The following PAXBP1 variants were observed in gnomAD, a reference collection of about 807,000 sequenced individuals.
The protein encoded by PAXBP1 is PAX3 and PAX7 binding protein 1, also known as PAX3- and PAX7-binding protein 1.
Under a neutral mutation model 119.9 loss-of-function variants are expected in PAXBP1, and 44 were observed. The observed-to-expected ratio is 0.37, with a 90% CI of 0.29 to 0.47. The LOEUF (loss-of-function observed/expected upper bound fraction) is 0.47, where lower values mean the gene tolerates loss of function less well. Among genes scored for constraint, PAXBP1 ranks in the 20% least tolerant of loss-of-function variants. The pLI is 0.99. For missense variants in PAXBP1, 898 were observed against 1,134.1 expected, an observed-to-expected ratio of 0.79 and a Z score of 2.99; for synonymous variants, 393 against 406.6, an observed-to-expected ratio of 0.97 and a Z score of 0.40.
At chr21:32,758,608 A>T (rs2044081725) in intron 7 of PAXBP1, among the ~76,000 whole-genome samples, 2 of 151,366 alleles carry the variant, frequency 1.3e-5, no homozygotes, top group African/African-American at 4.8e-5. Context: ...TACTTAGATA[A>T]AAACTATTAG....
At chr21:32,755,488 C>G (rs1014327553) in intron 7 of PAXBP1, 135 bp from the exon 8 acceptor site, 5 of 1,127,694 alleles carry the variant, frequency 4.4e-6, no homozygotes, top group African/African-American at 3.2e-5. Flanking sequence ...CAACAGCACA[C>G]AAGTAGCAAA....
chr21:32,746,493 A>G (rs142872964), intron 11 of PAXBP1, among the ~76,000 whole-genome samples: 1,787 of 152,312 alleles, frequency 0.012, 36 homozygotes, highest in African/African-American at 0.04. Flanking sequence ...GCCAACAAAC[A>G]TGAAAAAAAG....
intron 4 of PAXBP1, among the ~76,000 whole-genome samples, chr21:32,761,740 C>T (rs565788157): frequency 6.6e-6 from 1 of 150,672 alleles, no homozygotes; most frequent in Non-Finnish European, 1.5e-5. Context: ...GCCTGTAATC[C>T]CAGCACTTTG....
intron 7 of PAXBP1, chr21:32,756,109 A>G (rs1256091813): frequency 4.3e-6 from 1 of 230,034 alleles, no homozygotes; most frequent in Non-Finnish European, 8.8e-6. Context: ...CCAGGTTAAT[A>G]TCCCTAAAGC....
chr21:32,746,515 C>T (rs1030732127), intron 11 of PAXBP1, among the ~76,000 whole-genome samples: 1 of 152,050 alleles, frequency 6.6e-6, no homozygotes, highest in East Asian at 1.9e-4. Flanking sequence ...TCAACATCAC[C>T]GATGATTGGA....
intron 17 of PAXBP1, among the ~76,000 whole-genome samples, chr21:32,736,856 A>G (rs574662014): frequency 1.3e-5 from 2 of 152,332 alleles, no homozygotes; most frequent in Admixed American, 6.5e-5. Flanking sequence ...CCAAAAAGCC[A>G]TGAGTGATAA....
chr21:32,758,826 A>G (rs942868838), intron 7 of PAXBP1, among the ~76,000 whole-genome samples: 6 of 152,156 alleles, frequency 3.9e-5, no homozygotes, highest in Non-Finnish European at 2.9e-5. Flanking sequence ...CCATATTGAA[A>G]TAAGACTTTC....
At chr21:32,735,208 G>C (rs901531972) in intron 17 of PAXBP1, 141 bp from the exon 18 acceptor site, 1 of 612,754 alleles carries the variant, frequency 1.6e-6, no homozygotes, top group Non-Finnish European at 2.8e-6. Context: ...AGATATGCAA[G>C]CTACAGCATG....
In PAXBP1 at chr21:32,762,169, A is replaced by G. The variant is rs765565685; in HGVS notation, c.798T>C (p.Asp266=). 22 of 1,614,190 alleles carry G rather than the reference A, an allele frequency of 1.4e-5. No individual in the cohort carries two copies. The highest frequency in any genetic ancestry group is 1.9e-5 in the Non-Finnish European group (22 of 1,180,040). Residue 266 remains aspartate (D), a synonymous_variant, in exon 4 of 18, where the codon GAT becomes GAC. Coordinates refer to ENST00000331923, the MANE Select transcript of PAXBP1 (RefSeq NM_016631.4). The part of the protein sequence containing the change: ...EDENDASDDE[D]DDEKRRIVFS... Reference sequence around the variant, plus strand: ...AAACTATCCGGCGTTTCTCATCGTCATCTTCATCATCACTGGCATCATTCT... The same window carrying G: ...AAACTATCCGGCGTTTCTCATCGTCGTCTTCATCATCACTGGCATCATTCT...
chr21:32,765,079 A>G (rs2044218484), intron 2 of PAXBP1, among the ~76,000 whole-genome samples: 1 of 152,174 alleles, frequency 6.6e-6, no homozygotes, highest in Non-Finnish European at 1.5e-5. Context: ...CAGCAGTCAC[A>G]TTTACACTGT....
At chr21:32,754,502 A>C (rs2044011842) in intron 8 of PAXBP1, among the ~76,000 whole-genome samples, 1 of 152,184 alleles carries the variant, frequency 6.6e-6, no homozygotes, top group Non-Finnish European at 1.5e-5. Flanking sequence ...AAGGAACTAA[A>C]CGGTTTAAAA....
chr21:32,761,967 A>G, intron 4 of PAXBP1, 129 bp downstream of exon 4: 1 of 929,254 alleles, frequency 1.1e-6, no homozygotes, highest in Non-Finnish European at 1.6e-6. Flanking sequence ...TGAGTCCACG[A>G]GTCAAGACAC....
At chr21:32,765,282 C>A (rs1197022359) in intron 2 of PAXBP1, among the ~76,000 whole-genome samples, 1 of 152,212 alleles carries the variant, frequency 6.6e-6, no homozygotes, top group African/African-American at 2.4e-5. Flanking sequence ...CCTCCTAATT[C>A]TCAGTTCTAA....
Position 32,737,426 on chromosome 21 carries a change from GTAAAA to G in PAXBP1, c.2482-23_2482-19del, listed in dbSNP as rs779077920. The G allele has an allele frequency of 5.4e-5, 85 of 1,584,482 alleles. No individual in the cohort carries two copies. In the Middle Eastern group the frequency reaches 1.0e-3, roughly 19 times the overall value. On this transcript the variant is annotated intron_variant, in intron 16 of 17. Transcript: ENST00000331923. Reference sequence around the variant, plus strand: ...TTGATTACCTGTGGAGAAGAAAGACGTAAAATAAAATAGTTAAGACAGAATAAATT... The same window carrying G: ...TTGATTACCTGTGGAGAAGAAAGACGTAAAATAGTTAAGACAGAATAAATT...
chr21:32,751,081 C>A (rs931373518), intron 9 of PAXBP1, 38 bp downstream of exon 9: 3 of 1,612,754 alleles, frequency 1.9e-6, no homozygotes, highest in African/African-American at 1.3e-5. Flanking sequence ...AGACTCCTCC[C>A]TTCCCAAACA....
At chr21:32,747,563 C>T (rs1169206513) in intron 11 of PAXBP1, among the ~76,000 whole-genome samples, 2 of 152,214 alleles carry the variant, frequency 1.3e-5, no homozygotes, top group African/African-American at 4.8e-5. Context: ...GAATGCTTCT[C>T]AGAGCTCACA....
At chr21:32,760,038 T>A in intron 5 of PAXBP1, 44 bp from the exon 6 acceptor site, 1 of 1,488,146 alleles carries the variant, frequency 6.7e-7, no homozygotes, top group Non-Finnish European at 9.2e-7. Flanking sequence ...TAGTTAAAAC[T>A]TTGAAAATAA....
At chr21:32,735,591 A>G (rs1480001785) in intron 17 of PAXBP1, among the ~76,000 whole-genome samples, 1 of 152,210 alleles carries the variant, frequency 6.6e-6, no homozygotes, top group Non-Finnish European at 1.5e-5. Flanking sequence ...CTTTCTTACT[A>G]GGAAGTAATC....
intron 1 of PAXBP1, among the ~76,000 whole-genome samples, chr21:32,770,887 C>T (rs1451604271): frequency 6.6e-6 from 1 of 152,192 alleles, no homozygotes; most frequent in Non-Finnish European, 1.5e-5. Context: ...TCCTAGTATT[C>T]CTTTTTACAA....
Sources: gnomAD v4.1 joint callset for allele counts (sites outside exome capture counted in the v4.1 genomes callset) on GRCh38, gnomAD v4.1.1 for gene constraint, MANE v1.5 for transcripts, NCBI Gene and HGNC (gene_info 2026-07-23, HGNC 2026-07-21) for gene names.